The following LRP11 variants were observed in gnomAD, a reference collection of about 807,000 sequenced individuals.
LRP11 encodes the protein low-density lipoprotein receptor-related protein 11.
In LRP11, 25 loss-of-function variants were observed where a neutral mutation model predicts 43.1. That is an observed-to-expected ratio of 0.58 (90% CI 0.42 to 0.81). The LOEUF is 0.81. Among genes scored for constraint, LRP11 ranks in the 30% least tolerant of loss-of-function variants. The pLI is 0.00. For missense variants in LRP11, 623 were observed against 665.1 expected, an observed-to-expected ratio of 0.94 and a Z score of 0.70; for synonymous variants, 316 against 299.4, an observed-to-expected ratio of 1.06 and a Z score of -0.57.
At chr6:149,841,695 C>G (rs1289917926) in intron 3 of LRP11, among the ~76,000 whole-genome samples, 2 of 152,064 alleles carry the variant, frequency 1.3e-5, no homozygotes, top group African/African-American at 2.4e-5. Flanking sequence ...GGTGGATCAC[C>G]TGAGGTCAGG....
intron 2 of LRP11, among the ~76,000 whole-genome samples, chr6:149,847,285 G>A (rs773417038): frequency 7.9e-5 from 12 of 152,200 alleles, no homozygotes; most frequent in Non-Finnish European, 1.5e-4. Flanking sequence ...GCCTGCCCAG[G>A]CACTGCCTCT....
chr6:149,848,165 C>T (rs1776667112), intron 2 of LRP11, among the ~76,000 whole-genome samples: 1 of 148,366 alleles, frequency 6.7e-6, no homozygotes, highest in Non-Finnish European at 1.5e-5. Context: ...TAAAAGAGGT[C>T]CCATGTTATT....
rs375989826 is a variant in LRP11, at chr6:149,853,010, T to A, written c.764A>T (p.Asp255Val). 30 of 1,590,206 alleles carry A rather than the reference T, an allele frequency of 1.9e-5. No homozygotes were observed. Among genetic ancestry groups the A allele is most frequent in the Non-Finnish European group, 2.5e-5 (29 of 1,171,396 alleles). Reference protein sequence around the residue: ...WALLQGDPSVDMKVPQSGTLK... With the variant: ...WALLQGDPSVVMKVPQSGTLK... ...AGTGACAACATGCGTTACCTTCATGTCCACTGACGGGTCCCCCTGCAGCAG... is the reference window on the plus strand; with the variant it reads ...AGTGACAACATGCGTTACCTTCATGACCACTGACGGGTCCCCCTGCAGCAG... Residue 255 changes from aspartate (D) to valine (V), a missense_variant, in exon 2 of 7, where the codon GAC (aspartate) becomes GTC (valine). Asp to Val is a radical substitution (Grantham distance 152). Coordinates refer to ENST00000239367, the MANE Select transcript of LRP11 (RefSeq NM_032832.6).
Position 149,836,170 on chromosome 6 carries a change from G to A in LRP11, c.1167C>T (p.Asn389=). 6.2e-7 allele frequency: 1 copy of A among 1,614,114 alleles called. No individual in the cohort carries two copies. The highest frequency in any genetic ancestry group is 8.5e-7 in the Non-Finnish European group (1 of 1,180,042). The change falls in exon 5 of 7, where the codon AAC becomes AAT. Residue 389 remains asparagine, a synonymous_variant. Transcript: ENST00000239367. ...CTGTGTTTGATAATGCAGGTGGCTTGTTTGGGGCAGTGGCTTTCTGAGACT... is the reference window on the plus strand; with the variant it reads ...CTGTGTTTGATAATGCAGGTGGCTTATTTGGGGCAGTGGCTTTCTGAGACT... ...VEKSQKATAP[N]KPPALSNTEK... is the part of the protein sequence containing the mutation.
At chr6:149,828,897 A>G (rs1776373598) in intron 5 of LRP11, among the ~76,000 whole-genome samples, 1 of 152,150 alleles carries the variant, frequency 6.6e-6, no homozygotes, top group Non-Finnish European at 1.5e-5. Flanking sequence ...TGGTAGAGAT[A>G]TAGAAAACAT....
At chr6:149,851,271 A>C (rs1230756417) in intron 2 of LRP11, among the ~76,000 whole-genome samples, 6 of 152,224 alleles carry the variant, frequency 3.9e-5, no homozygotes, top group Non-Finnish European at 8.8e-5. Flanking sequence ...CATTAATAGA[A>C]GGAGAGGCAA....
rs780292475 is a variant in LRP11, at chr6:149,820,598, G to C, written c.1454C>G (p.Pro485Arg). ...GTAGTCCGATTCCTCAGATGTAATG[G>C]GACGAGCTTTTTTCAGTTTCTGTTT... ...LVKQKLKKAR[P>R]ITSEESDYLI... The change falls in exon 7 of 7, where the codon CCC (proline) becomes CGC (arginine). Residue 485 changes from proline to arginine, a missense_variant. Pro to Arg is a moderately radical substitution (Grantham distance 103, BLOSUM62 -2). Coordinates refer to ENST00000239367, the MANE Select transcript of LRP11 (RefSeq NM_032832.6). 13 of 780,992 alleles carry C rather than the reference G, an allele frequency of 1.7e-5. No individual in the cohort carries two copies. The highest frequency in any genetic ancestry group is 1.1e-4 in the South Asian group (8 of 74,618). 48.4% of individuals were successfully genotyped at this position (780,992 alleles called of 1,614,324 possible).
chr6:149,835,209 C>T (rs1776455792), intron 5 of LRP11, among the ~76,000 whole-genome samples: 1 of 152,140 alleles, frequency 6.6e-6, no homozygotes, highest in Non-Finnish European at 1.5e-5. Context: ...AAACTCTTGG[C>T]CTCAAGCAAT....
intron 3 of LRP11, among the ~76,000 whole-genome samples, chr6:149,840,665 T>C (rs1430803435): frequency 1.3e-5 from 2 of 152,198 alleles, no homozygotes; most frequent in Non-Finnish European, 2.9e-5. Context: ...ACAGGGTATC[T>C]GTGTCTTTTT....
chr6:149,820,893 G>GT (rs1038436036), intron 6 of LRP11, among the ~76,000 whole-genome samples, 190 bp from the exon 7 acceptor site: 1 of 151,514 alleles, frequency 6.6e-6, no homozygotes, highest in Non-Finnish European at 1.5e-5. Flanking sequence ...TTGCCTAGGA[G>GT]GCTGTAAGTT....
rs1223747236 is a variant in LRP11, at chr6:149,827,195, G to A, written c.1253-836C>T. ...TTCCCCAGATGGGCTCAAGTGATCCGCTCACCTCAGCCTCCCAAAGTGCTG... is the reference window on the plus strand; with the variant it reads ...TTCCCCAGATGGGCTCAAGTGATCCACTCACCTCAGCCTCCCAAAGTGCTG... On this transcript the variant is annotated intron_variant, in intron 5 of 6. Coordinates refer to ENST00000239367, the MANE Select transcript of LRP11 (RefSeq NM_032832.6). The surrounding 1 kb of genome is among the most constrained non-coding windows in gnomAD (Gnocchi z 4.2). 2.0e-5 allele frequency among the ~76,000 whole-genome samples: 3 copies of A among 151,812 alleles called. No homozygotes were observed. The highest frequency in any genetic ancestry group is 2.9e-5 in the Non-Finnish European group (2 of 67,962).
At chr6:149,825,537 C>A (rs1314038309) in intron 6 of LRP11, among the ~76,000 whole-genome samples, 1 of 152,158 alleles carries the variant, frequency 6.6e-6, no homozygotes, top group Non-Finnish European at 1.5e-5. Context: ...CCCATATATT[C>A]TTCTCAGCAA....
intron 6 of LRP11, among the ~76,000 whole-genome samples, chr6:149,820,931 T>A (rs1167877277): frequency 6.9e-6 from 1 of 145,822 alleles, no homozygotes; most frequent in Admixed American, 7.4e-5. Flanking sequence ...ACCTAGACTT[T>A]TTTTTTTTTT....
chr6:149,863,652 GGCC>G lies in LRP11; in HGVS notation c.366_368del (p.Ala123del), dbSNP rs1221856416. 2.7e-6 allele frequency: 4 copies of G among 1,473,046 alleles called. No homozygotes were observed. The highest frequency in any genetic ancestry group is 1.5e-5 in the African/African-American group (1 of 68,096). 91.2% of individuals were successfully genotyped at this position (1,473,046 alleles called of 1,614,324 possible). ...CCACGCATTGCCGCCAGCCCCGCAC[GGCC>G]GCCGGCGCCCGCAGGAAGCTGGCAC... On this transcript the variant is annotated inframe_deletion, in exon 1 of 7. Coordinates refer to ENST00000239367, the MANE Select transcript of LRP11 (RefSeq NM_032832.6).
rs1368422987 is a variant in LRP11 at position 149,826,971 on chromosome 6, TTAC to T, written c.1253-615_1253-613del. ...TGAGGGGGAAATTATTATTATTTATTTACTTTTTTTTTTTTTTGAGACAGAGTC... is the reference window on the plus strand; with the variant it reads ...TGAGGGGGAAATTATTATTATTTATTTTTTTTTTTTTTTTGAGACAGAGTC... On this transcript the variant is annotated intron_variant, in intron 5 of 6. Coordinates refer to ENST00000239367, the MANE Select transcript of LRP11 (RefSeq NM_032832.6). Among the ~76,000 whole-genome samples the T allele has an allele frequency of 5.0e-5, 6 of 121,050 alleles. No individual in the cohort carries two copies. In the East Asian group the frequency reaches 1.9e-3, roughly 39 times the overall value. 79.4% of individuals were successfully genotyped at this position (121,050 alleles called of 152,430 possible).
chr6:149,853,020 G>A lies in LRP11; in HGVS notation c.754C>T (p.Pro252Ser). 2 of 1,600,224 alleles carry A rather than the reference G, an allele frequency of 1.2e-6. No homozygotes were observed. The highest frequency in any genetic ancestry group is 2.3e-5 in the East Asian group (1 of 44,320). ...QYEWALLQGDPSVDMKVPQSG... is the reference protein window; with the variant it reads ...QYEWALLQGDSSVDMKVPQSG... The stretch of plus-strand genomic sequence containing the variant: ...TGCGTTACCTTCATGTCCACTGACG[G>A]GTCCCCCTGCAGCAGTGCCCACTCA... The change falls in exon 2 of 7, where the codon CCG (proline) becomes TCG (serine). Residue 252 changes from proline (P) to serine (S), a missense_variant. By Grantham distance (74) the Pro-to-Ser change is moderately conservative. Transcript: ENST00000239367.
In LRP11 at chr6:149,863,916, G is replaced by A; in HGVS notation, c.105C>T (p.Gly35=). 6 of 1,481,316 alleles carry A rather than the reference G, an allele frequency of 4.1e-6. No individual in the cohort carries two copies. Among genetic ancestry groups the A allele is most frequent in the Non-Finnish European group, 4.5e-6 (5 of 1,123,408 alleles). The allele number at this position is 1,481,316 out of a possible 1,614,324, so 91.8% of individuals were successfully genotyped here. A position where few individuals can be genotyped will look rare whatever the true frequency, so the allele number is the denominator to read the frequency against. ...LLLLCLWLPS[G]RAALPPAAPL... The stretch of plus-strand genomic sequence containing the variant: ...GCGCCGCGGGCGGCAAGGCCGCACG[G>A]CCGCTTGGCAGCCACAGGCAGAGCA... The change falls in exon 1 of 7, where the codon GGC becomes GGT. Residue 35 remains glycine (G), a synonymous_variant. Transcript: ENST00000239367.
intron 1 of LRP11, among the ~76,000 whole-genome samples, chr6:149,854,383 A>C: frequency 6.6e-6 from 1 of 152,082 alleles, no homozygotes; most frequent in East Asian, 1.9e-4. Context: ...CTGGAATTAC[A>C]AGTGTGAGCC....
intron 3 of LRP11, 90 bp downstream of exon 3, chr6:149,842,893 G>C: frequency 3.5e-6 from 5 of 1,445,918 alleles, no homozygotes; most frequent in Non-Finnish European, 4.8e-6. Flanking sequence ...AAATGGAAGA[G>C]CCCATGGAGC....
Sources: gnomAD v4.1 joint callset for allele counts (sites outside exome capture counted in the v4.1 genomes callset) on GRCh38, gnomAD v4.1.1 for gene constraint, Gnocchi (gnomAD v3.1) non-coding constraint, MANE v1.5 for transcripts, NCBI Gene and HGNC (gene_info 2026-07-23, HGNC 2026-07-21) for gene names.